The following HCN1 variants were observed in gnomAD, a reference collection of about 807,000 sequenced individuals.
HCN1 encodes potassium/sodium hyperpolarization-activated cyclic nucleotide-gated channel 1.
HCN1 carries 13 observed loss-of-function variants against 78.9 expected under a neutral mutation model. That is an observed-to-expected ratio of 0.16 (90% CI 0.11 to 0.26). The LOEUF is 0.26. Ranked by LOEUF, HCN1 falls within the 10% of genes least tolerant of loss-of-function variation. The pLI is 1.00. For synonymous variants in HCN1, 552 were observed against 455.5 expected, an observed-to-expected ratio of 1.21 and a Z score of -2.70; for missense variants, 810 against 1,154.3, an observed-to-expected ratio of 0.70 and a Z score of 4.32.
In HCN1 at chr5:45,363,174, A is replaced by C. The variant is rs1029269814; in HGVS notation, c.1231-9928T>G. ...TATATATATATATATATATATCTGA[A>C]TAGTACTGAACACCAGTGGTTAACA... On this transcript the variant is annotated intron_variant, in intron 4 of 7. Transcript: ENST00000303230. Among the ~76,000 whole-genome samples the C allele has an allele frequency of 2.1e-5, 3 of 144,102 alleles. No individual in the cohort carries two copies. The Admixed American group carries it at 2.1e-4, about 10-fold the overall frequency. The allele number at this position is 144,102 out of a possible 152,430, so 94.5% of individuals were successfully genotyped here.
chr5:45,487,215 G>A (rs1265503363), intron 2 of HCN1, among the ~76,000 whole-genome samples: 1 of 151,992 alleles, frequency 6.6e-6, no homozygotes, highest in Non-Finnish European at 1.5e-5. Context: ...TTTCATTGCT[G>A]AAAAATGTTT....
At chr5:45,417,770 A>C (rs905389597) in intron 3 of HCN1, among the ~76,000 whole-genome samples, 4 of 149,952 alleles carry the variant, frequency 2.7e-5, no homozygotes, top group African/African-American at 9.7e-5. Context: ...AAAAAAAAAA[A>C]AAAAAAACAA....
chr5:45,660,816 G>A (rs1580029343), intron 1 of HCN1, among the ~76,000 whole-genome samples: 1 of 134,630 alleles, frequency 7.4e-6, no homozygotes, highest in East Asian at 2.2e-4. Context: ...AGTCCTGAGT[G>A]ACATACAAAG....
chr5:45,569,526 A>G (rs957662106), intron 2 of HCN1, among the ~76,000 whole-genome samples: 18 of 152,082 alleles, frequency 1.2e-4, no homozygotes, highest in African/African-American at 4.1e-4. Flanking sequence ...GTAACATTTC[A>G]CCATGTTTAG....
intron 2 of HCN1, among the ~76,000 whole-genome samples, chr5:45,476,736 G>A (rs1207104195): frequency 6.6e-6 from 1 of 152,010 alleles, no homozygotes; most frequent in Admixed American, 6.6e-5. Flanking sequence ...ACAGGCTGAG[G>A]ATCTCTAATA....
chr5:45,261,892 T>C lies in HCN1; in HGVS notation c.*29A>G, dbSNP rs757811784. ...AGTATAGTCTCAGTTTATGAGAGTA[T>C]TTCTTTCTGCTTTGACAATCAGCAG... On this transcript the variant is annotated 3_prime_UTR_variant, in exon 8 of 8. Coordinates refer to ENST00000303230, the MANE Select transcript of HCN1 (RefSeq NM_021072.4). 3.7e-6 allele frequency: 6 copies of C among 1,612,178 alleles called. No individual in the cohort carries two copies. Among genetic ancestry groups the C allele is most frequent in the Non-Finnish European group, 5.1e-6 (6 of 1,179,800 alleles).
intron 5 of HCN1, among the ~76,000 whole-genome samples, chr5:45,348,753 A>G (rs954132946): frequency 1.3e-5 from 2 of 152,240 alleles, no homozygotes; most frequent in Non-Finnish European, 2.9e-5. Flanking sequence ...CGTTAAACCA[A>G]CAAAGATCAA....
intron 2 of HCN1, among the ~76,000 whole-genome samples, chr5:45,560,296 T>G (rs1183787560): frequency 6.6e-6 from 1 of 152,096 alleles, no homozygotes; most frequent in African/African-American, 2.4e-5. Flanking sequence ...AGTCATATAC[T>G]GAAATTTTAT....
At chr5:45,631,674 T>C (rs991636102) in intron 2 of HCN1, among the ~76,000 whole-genome samples, 2 of 152,116 alleles carry the variant, frequency 1.3e-5, no homozygotes, top group Non-Finnish European at 2.9e-5. Flanking sequence ...GGAAACTCTC[T>C]CCCAAATTCT....
chr5:45,548,550 CA>C (rs549261462), intron 2 of HCN1, among the ~76,000 whole-genome samples: 221 of 151,956 alleles, frequency 1.5e-3, no homozygotes, highest in Non-Finnish European at 1.8e-3. Context: ...ACTGAACGGG[CA>C]AAAAACTGGA....
chr5:45,663,046 A>T (rs1373543021), intron 1 of HCN1, among the ~76,000 whole-genome samples: 1 of 148,898 alleles, frequency 6.7e-6, no homozygotes, highest in African/African-American at 2.5e-5. Flanking sequence ...ACACTACCTG[A>T]CTTCAAACTA....
Position 45,687,990 on chromosome 5 carries a change from T to C in HCN1, c.425+7679A>G, listed in dbSNP as rs75000469. Among the ~76,000 whole-genome samples the C allele has an allele frequency of 5.3e-5, 8 of 152,272 alleles. No homozygotes were observed. The East Asian group carries it at 1.5e-3, about 29-fold the overall frequency. On this transcript the variant is annotated intron_variant, in intron 1 of 7. Transcript: ENST00000303230. ...TATTTAATTCTGTTTTCAGTCTGGC[T>C]TTCCTGGAACTATTTCATAACTGGC...
chr5:45,498,271 G>T (rs1398141493), intron 2 of HCN1, among the ~76,000 whole-genome samples: 1 of 152,114 alleles, frequency 6.6e-6, no homozygotes, highest in East Asian at 1.9e-4. Flanking sequence ...ATTTCTTGGA[G>T]GCTTTGCTCG....
intron 6 of HCN1, among the ~76,000 whole-genome samples, chr5:45,287,175 A>G (rs1002721217): frequency 6.6e-6 from 1 of 151,884 alleles, no homozygotes; most frequent in Non-Finnish European, 1.5e-5. Context: ...GAAATGTTAT[A>G]GAGTAACATT....
At chr5:45,689,355 C>T (rs1739865028) in intron 1 of HCN1, among the ~76,000 whole-genome samples, 1 of 151,940 alleles carries the variant, frequency 6.6e-6, no homozygotes, top group South Asian at 2.1e-4. Context: ...CTATTATGTG[C>T]ATTTTTACAA....
chr5:45,630,169 G>A (rs930275221), intron 2 of HCN1, among the ~76,000 whole-genome samples: 5 of 152,022 alleles, frequency 3.3e-5, no homozygotes, highest in Non-Finnish European at 5.9e-5. Flanking sequence ...TATAGCACAC[G>A]CCAATCAATA....
chr5:45,373,196 T>G (rs1369000621), intron 4 of HCN1, among the ~76,000 whole-genome samples: 1 of 122,920 alleles, frequency 8.1e-6, no homozygotes, highest in Non-Finnish European at 1.6e-5. Flanking sequence ...ATATGTATTT[T>G]ATATATTTTA....
At chr5:45,310,774 C>A (rs1165651082) in intron 5 of HCN1, among the ~76,000 whole-genome samples, 2 of 152,076 alleles carry the variant, frequency 1.3e-5, no homozygotes, top group Non-Finnish European at 2.9e-5. Flanking sequence ...AAATGCTCAT[C>A]AATGAATGAC....
chr5:45,659,995 A>G (rs1745891479), intron 1 of HCN1, among the ~76,000 whole-genome samples: 1 of 143,866 alleles, frequency 7.0e-6, no homozygotes, highest in East Asian at 2.1e-4. Flanking sequence ...TCCAAGACAC[A>G]TAATTGTCAG....
Sources: gnomAD v4.1 joint callset for allele counts (sites outside exome capture counted in the v4.1 genomes callset) on GRCh38, gnomAD v4.1.1 for gene constraint, MANE v1.5 for transcripts, NCBI Gene and HGNC (gene_info 2026-07-23, HGNC 2026-07-21) for gene names.